The following HELLS variants were observed in gnomAD, a reference collection of about 807,000 sequenced individuals.
HELLS encodes helicase, lymphoid specific, also known as lymphoid-specific helicase.
A neutral mutation model predicts 120.0 loss-of-function variants in HELLS; 32 were observed. The observed-to-expected ratio is 0.27, with a 90% CI of 0.20 to 0.36. The LOEUF (loss-of-function observed/expected upper bound fraction) is 0.36. Ranked by LOEUF, HELLS falls within the 10% of genes least tolerant of loss-of-function variation. The pLI, the probability that HELLS is intolerant of heterozygous loss-of-function variation, is 1.00. For missense variants in HELLS, 650 were observed against 993.4 expected (o/e 0.65, Z 4.65); for synonymous variants, 341 against 323.4 (o/e 1.05, Z -0.58).
Position 94,545,819 on chromosome 10 carries a change from G to T in HELLS, c.-103G>T. 7.5e-7 allele frequency: 1 copy of T among 1,327,622 alleles called. No homozygotes were observed. Among genetic ancestry groups the T allele is most frequent in the Non-Finnish European group, 1.1e-6 (1 of 942,488 alleles). 82.2% of individuals were successfully genotyped at this position (1,327,622 alleles called of 1,614,324 possible). A position where few individuals can be genotyped will look rare whatever the true frequency, so the allele number is the denominator to read the frequency against. On this transcript the variant is annotated 5_prime_UTR_variant, in exon 1 of 22. Coordinates refer to ENST00000348459, the MANE Select transcript of HELLS (RefSeq NM_018063.5). ...GAAGCGCGCTTTTTTCCCTGGCGGG[G>T]GATTTGGCTAGAAGGCTGGGCCGGC... is the stretch of plus-strand genomic sequence containing the variant.
At chr10:94,592,804 C>T (rs1390815851) in intron 17 of HELLS, among the ~76,000 whole-genome samples, 1 of 150,612 alleles carries the variant, frequency 6.6e-6, no homozygotes. Flanking sequence ...CTGTCCTCAA[C>T]TTTCTATTAT....
At chr10:94,580,649 A>G (rs1011501216) in intron 10 of HELLS, among the ~76,000 whole-genome samples, 1 of 152,204 alleles carries the variant, frequency 6.6e-6, no homozygotes, top group Admixed American at 6.5e-5. Flanking sequence ...GGATGTATAA[A>G]GCAAAATGCA....
downstream of HELLS, among the ~76,000 whole-genome samples, chr10:94,605,933 G>A (rs548893252): frequency 2.6e-5 from 4 of 152,150 alleles, no homozygotes; most frequent in South Asian, 4.1e-4. Flanking sequence ...CACCTGGCCC[G>A]AATGCTGCTT....
intron 11 of HELLS, among the ~76,000 whole-genome samples, chr10:94,581,858 A>G (rs1379049032): frequency 6.6e-6 from 1 of 152,154 alleles, no homozygotes; most frequent in African/African-American, 2.4e-5. Context: ...AGAGTTGTTA[A>G]ATTATTTCCT....
chr10:94,565,425 A>C lies in HELLS; in HGVS notation c.435+2549A>C, dbSNP rs1483559993. The stretch of plus-strand genomic sequence containing the variant: ...ACTTTTAGGCTGGGCGTGGTGGCTC[A>C]TACCTGTAAACCCCGGCGCTTTGGG... On this transcript the variant is annotated intron_variant, in intron 6 of 21. Coordinates refer to ENST00000348459, the MANE Select transcript of HELLS (RefSeq NM_018063.5). 3.9e-5 allele frequency among the ~76,000 whole-genome samples: 6 copies of C among 152,336 alleles called. No homozygotes were observed. In the East Asian group the frequency reaches 9.6e-4, roughly 24 times the overall value.
exon 10 of HELLS, chr10:94,613,429 TTTC>T (rs2134147925): frequency 6.6e-6 from 1 of 152,360 alleles, no homozygotes; most frequent in East Asian, 1.9e-4. Flanking sequence ...ATCTTAAACA[TTTC>T]TTCGTTGTTA....
chr10:94,568,028 G>A (rs1187508567), intron 6 of HELLS, among the ~76,000 whole-genome samples: 5 of 150,008 alleles, frequency 3.3e-5, no homozygotes, highest in African/African-American at 1.2e-4. Flanking sequence ...TCCTGCCTCA[G>A]CATCCTGAGT....
intron 3 of HELLS, among the ~76,000 whole-genome samples, chr10:94,556,603 C>G (rs1450413510): frequency 6.6e-6 from 1 of 152,126 alleles, no homozygotes; most frequent in Non-Finnish European, 1.5e-5. Context: ...TATAATTCTT[C>G]TCGCCCGTCC....
intron 4 of HELLS, among the ~76,000 whole-genome samples, chr10:94,559,432 ATTTAT>A (rs1039327041): frequency 7.9e-5 from 12 of 151,644 alleles, no homozygotes; most frequent in Middle Eastern, 3.4e-3. Context: ...ATATTTATTT[ATTTAT>A]TTTATTTTAT....
At chr10:94,566,113 G>A (rs78151842) in intron 6 of HELLS, among the ~76,000 whole-genome samples, 1,818 of 152,042 alleles carry the variant, frequency 0.012, 55 homozygotes, top group African/African-American at 0.042. Context: ...GGCTGGCCTC[G>A]AATTTTTGGG....
chr10:94,561,863 T>TCACA (rs1843570438), intron 4 of HELLS, among the ~76,000 whole-genome samples: 1 of 142,128 alleles, frequency 7.0e-6, no homozygotes, highest in African/African-American at 3.0e-5. Flanking sequence ...ATATTTAATG[T>TCACA]ATGAATTTCA....
At position 94,592,193 on chromosome 10, in the gene HELLS, TTCTC is replaced by T. The variant is rs751776776; in HGVS notation, c.1768-32_1768-29del. ...TGTTTTAACAAAGCAAATAACAGTT[TTCTC>T]TCTATTTTTTCTTCCTTTGCCCCTC... On this transcript the variant is annotated intron_variant, in intron 15 of 21. Transcript: ENST00000348459. 1.9e-5 allele frequency: 27 copies of T among 1,457,056 alleles called. 1 individual carries two copies. The highest frequency in any genetic ancestry group is 1.6e-4 in the South Asian group (13 of 81,350). The allele number at this position is 1,457,056 out of a possible 1,614,324, so 90.3% of individuals were successfully genotyped here.
chr10:94,572,594 G>A (rs1258835380), intron 7 of HELLS, among the ~76,000 whole-genome samples: 1 of 152,114 alleles, frequency 6.6e-6, no homozygotes, highest in Admixed American at 6.6e-5. Context: ...TGGGCATTTG[G>A]GTTGTTTGCA....
chr10:94,589,183 G>A (rs886828025), intron 13 of HELLS, among the ~76,000 whole-genome samples: 10 of 152,114 alleles, frequency 6.6e-5, no homozygotes, highest in South Asian at 4.1e-4. Context: ...GTATATTTCC[G>A]TACAGATTAA....
At chr10:94,599,045 C>T (rs1845893612) in intron 21 of HELLS, among the ~76,000 whole-genome samples, 1 of 152,044 alleles carries the variant, frequency 6.6e-6, no homozygotes, top group African/African-American at 2.4e-5. Context: ...CAGTATCGCA[C>T]TGATTTAATT....
chr10:94,583,758 A>G (rs867183513), intron 12 of HELLS, among the ~76,000 whole-genome samples: 7 of 152,302 alleles, frequency 4.6e-5, no homozygotes, highest in Middle Eastern at 6.8e-3. Context: ...CTTTAAAAAT[A>G]AAATTGTTCC....
chr10:94,556,287 T>C (rs1843257897), intron 3 of HELLS, among the ~76,000 whole-genome samples: 1 of 152,218 alleles, frequency 6.6e-6, no homozygotes, highest in Non-Finnish European at 1.5e-5. Flanking sequence ...TTGTTGAGTG[T>C]GTAGGGAGAA....
downstream of HELLS, among the ~76,000 whole-genome samples, chr10:94,603,810 T>C (rs987671389): frequency 6.6e-6 from 1 of 151,396 alleles, no homozygotes; most frequent in African/African-American, 2.4e-5. Context: ...GAAATCTTGT[T>C]GCCTGTACTT....
At chr10:94,610,687 C>G (rs532659218) in exon 10 of HELLS, 1 of 152,192 alleles carries the variant, frequency 6.6e-6, no homozygotes, top group East Asian at 1.9e-4. Context: ...TTCCCAGGTT[C>G]AAGCAGTTCT....
Sources: gnomAD v4.1 joint callset for allele counts (sites outside exome capture counted in the v4.1 genomes callset) on GRCh38, gnomAD v4.1.1 for gene constraint, MANE v1.5 for transcripts, NCBI Gene and HGNC (gene_info 2026-07-23, HGNC 2026-07-21) for gene names.